The following PPM1L variants were observed in gnomAD, a reference collection of about 807,000 sequenced individuals.
The protein encoded by PPM1L is protein phosphatase 1L.
A neutral mutation model predicts 31.4 loss-of-function variants in PPM1L; 13 were observed. That is an observed-to-expected ratio of 0.41 (90% confidence interval 0.27 to 0.66). PPM1L has a LOEUF of 0.66. PPM1L is among the 30% of genes least tolerant of loss of function. The pLI, the probability that PPM1L is intolerant of heterozygous loss-of-function variation, is 0.29. For missense variants in PPM1L, 326 were observed against 453.7 expected, an observed-to-expected ratio of 0.72 and a Z score of 2.56; for synonymous variants, 184 against 175.4, an observed-to-expected ratio of 1.05 and a Z score of -0.39.
chr3:160,776,891 G>A (rs1711571799), intron 1 of PPM1L, among the ~76,000 whole-genome samples: 1 of 151,674 alleles, frequency 6.6e-6, no homozygotes, highest in Non-Finnish European at 1.5e-5. Flanking sequence ...GAGCCACCAT[G>A]CCCGGCCCTT....
At chr3:160,848,581 C>G (rs1164230916) in intron 1 of PPM1L, among the ~76,000 whole-genome samples, 1 of 152,198 alleles carries the variant, frequency 6.6e-6, no homozygotes, top group Non-Finnish European at 1.5e-5. Flanking sequence ...ATCTTCCACT[C>G]TTGTCCTTCT....
rs1426403939 is a variant in PPM1L, at chr3:160,944,837, TATGTTATATATAACATATATTATATATA to T, written c.400-16878_400-16851del. 5.1e-4 allele frequency among the ~76,000 whole-genome samples: 32 copies of T among 62,158 alleles called. 4 individuals are homozygous for T. In the South Asian group the frequency reaches 0.012, roughly 23 times the overall value. The allele number at this position is 62,158 out of a possible 152,430, so 40.8% of individuals were successfully genotyped here. A position where few individuals can be genotyped will look rare whatever the true frequency, so the allele number is the denominator to read the frequency against. On this transcript the variant is annotated intron_variant, in intron 1 of 3. Transcript: ENST00000498165. ...ATATATATGTTATATATAACATATA[TATGTTATATATAACATATATTATATATA>T]ATGTTATATATAACATATATATTAT... is the stretch of plus-strand genomic sequence containing the variant.
intron 1 of PPM1L, among the ~76,000 whole-genome samples, chr3:160,859,894 G>A (rs1242775658): frequency 1.3e-5 from 2 of 152,174 alleles, no homozygotes; most frequent in African/African-American, 4.8e-5. Flanking sequence ...GAAGCCTCTG[G>A]TGAGTCCTGG....
intron 1 of PPM1L, among the ~76,000 whole-genome samples, chr3:160,944,236 C>G (rs541523621): frequency 6.6e-6 from 1 of 152,058 alleles, no homozygotes; most frequent in Non-Finnish European, 1.5e-5. Flanking sequence ...TACTGTGAAT[C>G]TTAATTCAAA....
At chr3:161,037,701 G>A (rs1013735947) in intron 2 of PPM1L, among the ~76,000 whole-genome samples, 2 of 150,294 alleles carry the variant, frequency 1.3e-5, no homozygotes, top group African/African-American at 4.9e-5. Context: ...CAAAGTGCTG[G>A]GATTACGGGC....
chr3:160,973,764 GTTTT>G (rs75599237), intron 2 of PPM1L, among the ~76,000 whole-genome samples: 99 of 88,450 alleles, frequency 1.1e-3, no homozygotes, highest in Non-Finnish European at 1.8e-3. Context: ...GAAAGGCCCT[GTTTT>G]TTTTTTTTTT....
At chr3:160,835,127 TCTTC>T (rs1713674342) in intron 1 of PPM1L, among the ~76,000 whole-genome samples, 1 of 148,998 alleles carries the variant, frequency 6.7e-6, no homozygotes, top group African/African-American at 2.5e-5. Flanking sequence ...CTTTCTTCTT[TCTTC>T]CTTCTTCCTT....
At chr3:160,786,655 G>C (rs1711942296) in intron 1 of PPM1L, among the ~76,000 whole-genome samples, 2 of 150,088 alleles carry the variant, frequency 1.3e-5, no homozygotes, top group Admixed American at 1.3e-4. Context: ...TGGGTAAATT[G>C]CATGTCATGG....
At chr3:160,850,889 G>GGA (rs1711504799) in intron 1 of PPM1L, among the ~76,000 whole-genome samples, 1 of 149,952 alleles carries the variant, frequency 6.7e-6, no homozygotes, top group African/African-American at 2.4e-5. Flanking sequence ...TTTGGTGGGG[G>GGA]GGGGGTCATT....
rs927326023 is a variant in PPM1L at position 161,075,090 on chromosome 3, G to A, written c.*5933G>A. ...GAGTGACCCAGAGCAAAGCCTGCCC[G>A]GGTTACTCGCTGCCACTTCAGGAGA... On this transcript the variant is annotated 3_prime_UTR_variant, in exon 4 of 4. Transcript: ENST00000498165. The A allele has an allele frequency of 2.0e-5, 3 of 152,064 alleles. No homozygotes were observed. Among genetic ancestry groups the A allele is most frequent in the Non-Finnish European group, 4.4e-5 (3 of 68,022 alleles). 9.4% of individuals were successfully genotyped at this position (152,064 alleles called of 1,614,324 possible).
intron 1 of PPM1L, among the ~76,000 whole-genome samples, chr3:160,828,321 G>C (rs377331567): frequency 9.9e-5 from 15 of 152,062 alleles, no homozygotes; most frequent in African/African-American, 3.4e-4. Context: ...CATGACAGCT[G>C]ATCTAAGAAT....
At chr3:160,839,807 GAACCAGATC>G (rs1183650002) in intron 1 of PPM1L, among the ~76,000 whole-genome samples, 1 of 152,182 alleles carries the variant, frequency 6.6e-6, no homozygotes, top group Non-Finnish European at 1.5e-5. Flanking sequence ...GGGCAGCTCA[GAACCAGATC>G]CTAGACTATA....
chr3:160,948,337 A>T (rs1441329498), intron 1 of PPM1L, among the ~76,000 whole-genome samples: 1 of 152,176 alleles, frequency 6.6e-6, no homozygotes, highest in Non-Finnish European at 1.5e-5. Flanking sequence ...CTAAAATAAG[A>T]TACCCTTTCA....
At chr3:160,780,512 A>G (rs1242284017) in intron 1 of PPM1L, among the ~76,000 whole-genome samples, 1 of 152,244 alleles carries the variant, frequency 6.6e-6, no homozygotes, top group Admixed American at 6.5e-5. Context: ...GAATTATAAA[A>G]GGCTAATAAA....
chr3:160,892,681 A>AG (rs199603557), intron 1 of PPM1L, among the ~76,000 whole-genome samples: 1 of 152,108 alleles, frequency 6.6e-6, no homozygotes, highest in Non-Finnish European at 1.5e-5. Context: ...GAAAAAAAAA[A>AG]GAAATACGTT....
intron 2 of PPM1L, among the ~76,000 whole-genome samples, chr3:160,974,412 G>A (rs1335626742): frequency 3.3e-5 from 5 of 151,896 alleles, no homozygotes; most frequent in Admixed American, 2.0e-4. Context: ...GGGTCAAATG[G>A]TATTTCTAGT....
chr3:161,029,223 C>T (rs1718493080), intron 2 of PPM1L, among the ~76,000 whole-genome samples: 1 of 152,182 alleles, frequency 6.6e-6, no homozygotes, highest in Admixed American at 6.5e-5. Flanking sequence ...TAGGTTATTT[C>T]ATTTTATCCT....
chr3:160,786,279 A>G (rs1162176763), intron 1 of PPM1L, among the ~76,000 whole-genome samples: 1 of 138,532 alleles, frequency 7.2e-6, no homozygotes, highest in African/African-American at 2.7e-5. Context: ...GTGCAGAGAC[A>G]TGATCTTGGC....
chr3:160,897,041 T>G lies in PPM1L; in HGVS notation c.400-64695T>G, dbSNP rs1007358075. On this transcript the variant is annotated intron_variant, in intron 1 of 3. Coordinates refer to ENST00000498165, the MANE Select transcript of PPM1L (RefSeq NM_139245.4). ...GGCTGACATTTCTATGACTACTGACTCTTTTTTTTTTTTTTTTTTTGAGAT... is the reference window on the plus strand; with the variant it reads ...GGCTGACATTTCTATGACTACTGACGCTTTTTTTTTTTTTTTTTTTGAGAT... Among the ~76,000 whole-genome samples, 9 of 127,812 alleles carry G rather than the reference T, an allele frequency of 7.0e-5. No individual in the cohort carries two copies. The South Asian group carries it at 2.3e-3, about 33-fold the overall frequency. The allele number at this position is 127,812 out of a possible 152,430, so 83.8% of individuals were successfully genotyped here. A position where few individuals can be genotyped will look rare whatever the true frequency, so the allele number is the denominator to read the frequency against.
Sources: allele counts gnomAD v4.1 joint callset (sites outside exome capture counted in the v4.1 genomes callset), GRCh38; gene constraint gnomAD v4.1.1; transcripts MANE v1.5; gene names NCBI Gene and HGNC (gene_info 2026-07-23, HGNC 2026-07-21).